TAS2R20: variants seen among roughly 807,000 people sequenced by gnomAD.
TAS2R20 encodes the protein taste 2 receptor member 20.
For synonymous variants in TAS2R20, 136 were observed against 127.1 expected (o/e 1.07, Z -0.47); for missense variants, 364 against 352.2 (o/e 1.03, Z -0.27).
chr12:10,997,928 C>T lies in TAS2R20; in HGVS notation c.-53G>A. ...TCAGGCCTAATGTCACTGATGGTGA[C>T]TCCTCTGATATTCAAGACTTTAAGT... On this transcript the variant is annotated 5_prime_UTR_variant, in exon 1 of 1. Transcript: ENST00000538986. 1 of 1,189,366 alleles carries T rather than the reference C, an allele frequency of 8.4e-7. No individual in the cohort carries two copies. Among genetic ancestry groups the T allele is most frequent in the African/African-American group, 1.5e-5 (1 of 65,652 alleles). 73.7% of individuals were successfully genotyped at this position (1,189,366 alleles called of 1,614,324 possible).
At chr12:10,997,062 GAT>G in the TAS2R20 span, 1 of 1,613,998 alleles carries the variant, frequency 6.2e-7, no homozygotes, top group South Asian at 1.1e-5. Context: ...TGGAATGATG[GAT>G]ATATGATTCC....
rs200858060 is a variant in TAS2R20, at chr12:10,997,676, T to C, written c.200A>G (p.Tyr67Cys). The C allele has an allele frequency of 9.0e-4, 1,445 of 1,613,658 alleles. 29 individuals are homozygous for C. The South Asian group carries it at 0.015, about 17-fold the overall frequency. ...TGAAGTTGGATTCAACACAGTTGAA[T>C]ACCAATGTAATAATATTACCCAGAG... Reference protein sequence around the residue: ...GLLWVILLHWYSTVLNPTSSN... With the variant: ...GLLWVILLHWCSTVLNPTSSN... Residue 67 changes from tyrosine (Y) to cysteine (C), a missense_variant, in exon 1 of 1, where the codon TAT (tyrosine) becomes TGT (cysteine). Physicochemically the swap from Tyr to Cys is radical, Grantham distance 194. Coordinates refer to ENST00000538986, the MANE Select transcript of TAS2R20 (RefSeq NM_176889.4).
rs1940234264 is a variant in TAS2R20 at position 10,996,333 on chromosome 12, A to G, written c.*613T>C. Among the ~76,000 whole-genome samples, 1 of 151,848 alleles carries G rather than the reference A, an allele frequency of 6.6e-6. No homozygotes were observed. The highest frequency in any genetic ancestry group is 2.1e-4 in the South Asian group (1 of 4,806). On this transcript the variant is annotated 3_prime_UTR_variant, in exon 1 of 1. Transcript: ENST00000538986. ...AACAGGGCAAGACTCCATCTCAAAAAAAAGAAAAAAAGAATTCATGATTAA... is the reference window on the plus strand; with the variant it reads ...AACAGGGCAAGACTCCATCTCAAAAGAAAGAAAAAAAGAATTCATGATTAA...
Position 10,997,920 on chromosome 12 carries a change from G to T in TAS2R20, c.-45C>A. On this transcript the variant is annotated 5_prime_UTR_variant, in exon 1 of 1. Coordinates refer to ENST00000538986, the MANE Select transcript of TAS2R20 (RefSeq NM_176889.4). ...TAAAAAATTCAGGCCTAATGTCACT[G>T]ATGGTGACTCCTCTGATATTCAAGA... is the stretch of plus-strand genomic sequence containing the variant. 1 of 1,244,524 alleles carries T rather than the reference G, an allele frequency of 8.0e-7. No individual in the cohort carries two copies. The highest frequency in any genetic ancestry group is 1.6e-5 in the South Asian group (1 of 64,370). The allele number at this position is 1,244,524 out of a possible 1,614,324, so 77.1% of individuals were successfully genotyped here. A position where few individuals can be genotyped will look rare whatever the true frequency, so the allele number is the denominator to read the frequency against.
At position 10,997,833 on chromosome 12, in the gene TAS2R20, C is replaced by A. The variant is rs1225981278; in HGVS notation, c.43G>T (p.Val15Phe). Residue 15 changes from valine to phenylalanine, a missense_variant, in exon 1 of 1, where the codon GTT (valine) becomes TTT (phenylalanine). Transcript: ENST00000538986. ...LHIVFSILVV[V>F]AFILGNFANG... ...GCAAAATTTCCAAGAATAAATGCAACCACTACTAGAATGGAAAAAACAATG... is the reference window on the plus strand; with the variant it reads ...GCAAAATTTCCAAGAATAAATGCAAACACTACTAGAATGGAAAAAACAATG... The A allele has an allele frequency of 1.3e-5, 21 of 1,610,602 alleles. No individual in the cohort carries two copies. The highest frequency in any genetic ancestry group is 1.7e-5 in the Non-Finnish European group (20 of 1,179,106).
rs1940284139 is a variant in TAS2R20, at chr12:10,997,003, A to G, written c.873T>C (p.Leu291=). 5.0e-6 allele frequency: 8 copies of G among 1,613,870 alleles called. No individual in the cohort carries two copies. The highest frequency in any genetic ancestry group is 6.8e-6 in the Non-Finnish European group (8 of 1,179,892). Residue 291 remains leucine, a synonymous_variant, in exon 1 of 1, where the codon CTT becomes CTC. Coordinates refer to ENST00000538986, the MANE Select transcript of TAS2R20 (RefSeq NM_176889.4). ...WGNKTLKQTF[L]SVLWQVTCWA... Reference sequence around the variant, plus strand: ...AGCAAGTCACCTGCCACAAAACTGAAAGAAAGGTCTGCTTTAGCGTCTTGT... The same window carrying G: ...AGCAAGTCACCTGCCACAAAACTGAGAGAAAGGTCTGCTTTAGCGTCTTGT...
Position 10,997,180 on chromosome 12 carries a change from G to C in TAS2R20, c.696C>G (p.Thr232=), listed in dbSNP as rs771461748. Residue 232 remains threonine, a synonymous_variant, in exon 1 of 1, where the codon ACC becomes ACG. Coordinates refer to ENST00000538986, the MANE Select transcript of TAS2R20 (RefSeq NM_176889.4). The stretch of plus-strand genomic sequence containing the variant: ...AAATGGCAAGTAATATGAGGAAGGA[G>C]GTCACAGTTTGCAGAGCTTTTATGT... ...KIHIKALQTV[T]SFLILLAIYF... 3.7e-6 allele frequency: 6 copies of C among 1,613,970 alleles called. No individual in the cohort carries two copies. The highest frequency in any genetic ancestry group is 1.7e-5 in the Admixed American group (1 of 59,982).
Position 10,997,472 on chromosome 12 carries a change from C to T in TAS2R20, c.404G>A (p.Gly135Glu), listed in dbSNP as rs141996010. 102 of 1,613,526 alleles carry T rather than the reference C, an allele frequency of 6.3e-5. No homozygotes were observed. The African/African-American group carries it at 1.2e-3, about 18-fold the overall frequency. Residue 135 changes from glycine to glutamate, a missense_variant, in exon 1 of 1, where the codon GGG (glycine) becomes GAG (glutamate). Transcript: ENST00000538986. ...AKSVVLVIVL[G>E]SLFFLVCHLV... ...GTGACAAACCAAAAAGAACAAAGAC[C>T]CCAACACTATCACCAGAACTACACT... is the stretch of plus-strand genomic sequence containing the variant.
Position 10,997,060 on chromosome 12 carries a change from T to C in TAS2R20, c.816A>G (p.Pro272=), listed in dbSNP as rs1211571312. Residue 272 remains proline (P), a synonymous_variant, in exon 1 of 1, where the codon CCA becomes CCG. Transcript: ENST00000538986. The stretch of plus-strand genomic sequence containing the variant: ...AAATCAGAATGAATGAGTGGAATGA[T>C]GGATATATGATTCCAAAAGCTTGGC... ...MLCQAFGIIY[P]SFHSFILIWG... The C allele has an allele frequency of 6.8e-6, 11 of 1,614,068 alleles. No homozygotes were observed. Among genetic ancestry groups the C allele is most frequent in the African/African-American group, 1.3e-5 (1 of 75,042 alleles).
rs1338830498 is a variant in TAS2R20, at chr12:10,997,376, T to C, written c.500A>G (p.Lys167Arg). ...ECEGNVTWKI[K>R]LRNAMHLSNL... Reference sequence around the variant, plus strand: ...GGAAAGGTGCATTGCATTCCTCAGTTTGATCTTCCAAGTTACGTTTCCTTC... The same window carrying C: ...GGAAAGGTGCATTGCATTCCTCAGTCTGATCTTCCAAGTTACGTTTCCTTC... The change falls in exon 1 of 1, where the codon AAA becomes AGA. Residue 167 changes from lysine (K) to arginine (R), a missense_variant. Transcript: ENST00000538986. The C allele has an allele frequency of 1.2e-6, 2 of 1,614,120 alleles. No homozygotes were observed. The highest frequency in any genetic ancestry group is 2.2e-5 in the East Asian group (1 of 44,870).
chr12:10,997,266 TAC>T, the TAS2R20 span: 1 of 1,614,106 alleles, frequency 6.2e-7, no homozygotes, highest in East Asian at 2.2e-5. Context: ...TTCAGATGTT[TAC>T]ACAGAGAGTA....
chr12:10,997,355 AG>A, the TAS2R20 span: 2 of 1,614,114 alleles, frequency 1.2e-6, no homozygotes, highest in Non-Finnish European at 1.7e-6. Flanking sequence ...CAAGTTGGAA[AG>A]GTGCATTGCA....
rs567668417 is a variant in TAS2R20 at position 10,997,430 on chromosome 12, G to A, written c.446C>T (p.Thr149Met). 28 of 1,613,942 alleles carry A rather than the reference G, an allele frequency of 1.7e-5. No individual in the cohort carries two copies. The highest frequency in any genetic ancestry group is 9.9e-5 in the South Asian group (9 of 91,066). ...TTCTTCTGTCCACACATTTATATACGTGTGTTTCATCACAAGGTGACAAAC... is the reference window on the plus strand; with the variant it reads ...TTCTTCTGTCCACACATTTATATACATGTGTTTCATCACAAGGTGACAAAC... Reference protein sequence around the residue: ...FLVCHLVMKHTYINVWTEECE... With the variant: ...FLVCHLVMKHMYINVWTEECE... The change falls in exon 1 of 1, where the codon ACG becomes ATG. Residue 149 changes from threonine (T) to methionine (M), a missense_variant. Coordinates refer to ENST00000538986, the MANE Select transcript of TAS2R20 (RefSeq NM_176889.4).
rs1940240379 is a variant in TAS2R20, at chr12:10,996,456, T to G, written c.*490A>C. On this transcript the variant is annotated 3_prime_UTR_variant, in exon 1 of 1. Transcript: ENST00000538986. ...AAATTAGAGGTTCAAACAATGATAG[T>G]TAAACAGTTAAACACACTATGGTAC... is the stretch of plus-strand genomic sequence containing the variant. 1 of 151,990 alleles carries G rather than the reference T, an allele frequency of 6.6e-6. No individual in the cohort carries two copies. Among genetic ancestry groups the G allele is most frequent in the Non-Finnish European group, 1.5e-5 (1 of 68,048 alleles). 9.4% of individuals were successfully genotyped at this position (151,990 alleles called of 1,614,324 possible). A position where few individuals can be genotyped will look rare whatever the true frequency, so the allele number is the denominator to read the frequency against.
Position 10,998,223 on chromosome 12 carries a change from T to C in TAS2R20, c.-348A>G, listed in dbSNP as rs1940400659. Among the ~76,000 whole-genome samples the C allele has an allele frequency of 1.3e-5, 2 of 152,324 alleles. No individual in the cohort carries two copies. The highest frequency in any genetic ancestry group is 2.4e-5 in the African/African-American group (1 of 41,582). ...TCAAATAAAGACATATCCTCTTTCATTGCTTTGCAATTTTTTCCTTGTTTC... is the reference window on the plus strand; with the variant it reads ...TCAAATAAAGACATATCCTCTTTCACTGCTTTGCAATTTTTTCCTTGTTTC... On this transcript the variant is annotated 5_prime_UTR_variant, in exon 1 of 1. The change abolishes an upstream ATG in the 5' untranslated region. Coordinates refer to ENST00000538986, the MANE Select transcript of TAS2R20 (RefSeq NM_176889.4).
In TAS2R20 at chr12:10,996,078, A is replaced by G. The variant is rs1940213200; in HGVS notation, c.*868T>C. Among the ~76,000 whole-genome samples the G allele has an allele frequency of 6.6e-6, 1 of 151,942 alleles. No individual in the cohort carries two copies. The highest frequency in any genetic ancestry group is 2.4e-5 in the African/African-American group (1 of 41,382). ...ATGTCTATAATCCCAGCACTTTGGG[A>G]GGCTGAGGCAGTGGATCACTTGAGG... On this transcript the variant is annotated 3_prime_UTR_variant, in exon 1 of 1. Coordinates refer to ENST00000538986, the MANE Select transcript of TAS2R20 (RefSeq NM_176889.4).
Position 10,997,399 on chromosome 12 carries a change from T to C in TAS2R20, c.477A>G (p.Glu159=), listed in dbSNP as rs1940328176. 6.2e-7 allele frequency: 1 copy of C among 1,614,038 alleles called. No homozygotes were observed. Among genetic ancestry groups the C allele is most frequent in the Non-Finnish European group, 8.5e-7 (1 of 1,180,028 alleles). The change falls in exon 1 of 1, where the codon GAA becomes GAG. Residue 159 remains glutamate (E), a synonymous_variant. Transcript: ENST00000538986. ...TYINVWTEEC[E]GNVTWKIKLR... ...GTTTGATCTTCCAAGTTACGTTTCC[T>C]TCACATTCTTCTGTCCACACATTTA...
Position 10,997,956 on chromosome 12 carries a change from A to C in TAS2R20, c.-81T>G. On this transcript the variant is annotated 5_prime_UTR_variant, in exon 1 of 1. The change creates a new upstream start codon in the 5' untranslated region. Coordinates refer to ENST00000538986, the MANE Select transcript of TAS2R20 (RefSeq NM_176889.4). Reference sequence around the variant, plus strand: ...CTCTGATATTCAAGACTTTAAGTTAAATATGCACTTGATTCCTGAATGTCC... The same window carrying C: ...CTCTGATATTCAAGACTTTAAGTTACATATGCACTTGATTCCTGAATGTCC... The C allele has an allele frequency of 1.2e-6, 1 of 807,458 alleles. No homozygotes were observed. Among genetic ancestry groups the C allele is most frequent in the East Asian group, 2.6e-5 (1 of 38,416 alleles). 50.0% of individuals were successfully genotyped at this position (807,458 alleles called of 1,614,324 possible). A position where few individuals can be genotyped will look rare whatever the true frequency, so the allele number is the denominator to read the frequency against.
rs552903272 is a variant in TAS2R20 at position 10,996,244 on chromosome 12, A to G, written c.*702T>C. Among the ~76,000 whole-genome samples the G allele has an allele frequency of 6.8e-4, 103 of 152,016 alleles. 2 individuals are homozygous for G. In the South Asian group the frequency reaches 0.021, roughly 31 times the overall value. ...CTCAGGAGGCTGACGCATGGAAATC[A>G]CTTGAACCCCAGAGGTGAACGTTGT... On this transcript the variant is annotated 3_prime_UTR_variant, in exon 1 of 1. Transcript: ENST00000538986.
Sources: gnomAD v4.1 joint callset for allele counts (sites outside exome capture counted in the v4.1 genomes callset) on GRCh38, gnomAD v4.1.1 for gene constraint, MANE v1.5 for transcripts, NCBI Gene and HGNC (gene_info 2026-07-23, HGNC 2026-07-21) for gene names.